CAMKMT: variants seen among roughly 807,000 people sequenced by gnomAD.
The protein encoded by CAMKMT is calmodulin-lysine N-methyltransferase, also known as CaM KMT.
A neutral mutation model predicts 48.0 loss-of-function variants in CAMKMT; 53 were observed. The observed-to-expected ratio is 1.10, with a 90% confidence interval of 0.89 to 1.39. The LOEUF is 1.39. Among genes scored for constraint, CAMKMT ranks in the 40% most tolerant of loss-of-function variants. The pLI, the probability that CAMKMT is intolerant of heterozygous loss-of-function variation, is 0.00. For missense variants in CAMKMT, 428 were observed against 402.7 expected (o/e 1.06, Z -0.54); for synonymous variants, 165 against 152.3 (o/e 1.08, Z -0.61).
intron 3 of CAMKMT, among the ~76,000 whole-genome samples, chr2:44,608,308 G>A (rs1415005689): frequency 6.6e-6 from 1 of 151,942 alleles, no homozygotes; most frequent in African/African-American, 2.4e-5. Context: ...TCCTGACCTC[G>A]TGATCAGCCC....
intron 3 of CAMKMT, among the ~76,000 whole-genome samples, chr2:44,502,248 A>G (rs1670044228): frequency 6.6e-6 from 1 of 151,526 alleles, no homozygotes; most frequent in Non-Finnish European, 1.5e-5. Flanking sequence ...CCGAATAAAT[A>G]TACATTTATC....
rs777511487 is a variant in CAMKMT at position 44,394,804 on chromosome 2, G to C, written c.376+4499G>C. The C allele has an allele frequency of 6.6e-6, 3 of 452,844 alleles. No homozygotes were observed. In the Admixed American group the frequency reaches 7.1e-5, roughly 11 times the overall value. 28.1% of individuals were successfully genotyped at this position (452,844 alleles called of 1,614,324 possible). ...GATAGCAGAATCTGTTTGTCTGTTT[G>C]TGATGTATCTAAAACTGATCTCTTT... On this transcript the variant is annotated intron_variant, in intron 3 of 10. Coordinates refer to ENST00000378494, the MANE Select transcript of CAMKMT (RefSeq NM_024766.5).
chr2:44,364,397 G>T lies in CAMKMT; in HGVS notation c.138+2252G>T, dbSNP rs1572627980. Among the ~76,000 whole-genome samples, 3 of 152,130 alleles carry T rather than the reference G, an allele frequency of 2.0e-5. No homozygotes were observed. In the South Asian group the frequency reaches 6.2e-4, roughly 32 times the overall value. On this transcript the variant is annotated intron_variant, in intron 1 of 10. Coordinates refer to ENST00000378494, the MANE Select transcript of CAMKMT (RefSeq NM_024766.5). ...TGTGAAGCCACCCCTAATGCCTCTGGGCTAAGTTAGACCCTCAGCCAACTC... is the reference window on the plus strand; with the variant it reads ...TGTGAAGCCACCCCTAATGCCTCTGTGCTAAGTTAGACCCTCAGCCAACTC...
At chr2:44,605,044 T>C (rs558789808) in intron 3 of CAMKMT, among the ~76,000 whole-genome samples, 127 of 152,308 alleles carry the variant, frequency 8.3e-4, no homozygotes, top group African/African-American at 2.9e-3. Context: ...GGCCCTCATA[T>C]ACTTTTTCTC....
At chr2:44,573,157 G>C (rs1270809721) in intron 3 of CAMKMT, among the ~76,000 whole-genome samples, 2 of 151,204 alleles carry the variant, frequency 1.3e-5, no homozygotes, top group Non-Finnish European at 2.9e-5. Flanking sequence ...ATTACTGTTA[G>C]TAATAGTAAT....
intron 9 of CAMKMT, among the ~76,000 whole-genome samples, chr2:44,764,807 T>C (rs1379692086): frequency 1.3e-5 from 2 of 152,160 alleles, no homozygotes; most frequent in Non-Finnish European, 2.9e-5. Context: ...GTAGCTATCA[T>C]TATCATTGTC....
chr2:44,506,111 C>G (rs1670248809), intron 3 of CAMKMT, among the ~76,000 whole-genome samples: 1 of 152,068 alleles, frequency 6.6e-6, no homozygotes, highest in Non-Finnish European at 1.5e-5. Flanking sequence ...TCCACCGTGG[C>G]CTCCCAAAGT....
intron 3 of CAMKMT, among the ~76,000 whole-genome samples, chr2:44,691,714 A>G (rs966731101): frequency 6.6e-6 from 1 of 152,122 alleles, no homozygotes; most frequent in Non-Finnish European, 1.5e-5. Context: ...CTATAATCAG[A>G]TTGCCTGGGC....
At chr2:44,526,562 G>A (rs1009389325) in intron 3 of CAMKMT, among the ~76,000 whole-genome samples, 3 of 152,160 alleles carry the variant, frequency 2.0e-5, no homozygotes, top group Non-Finnish European at 2.9e-5. Flanking sequence ...GTCTGAGTCC[G>A]AAGGTCCAAG....
At chr2:44,701,743 A>C (rs1677271518) in intron 3 of CAMKMT, among the ~76,000 whole-genome samples, 1 of 152,344 alleles carries the variant, frequency 6.6e-6, no homozygotes, top group Middle Eastern at 3.4e-3. Flanking sequence ...TCTGATTCAC[A>C]CATAGAATGT....
At chr2:44,691,533 G>A (rs1676654409) in intron 3 of CAMKMT, among the ~76,000 whole-genome samples, 2 of 152,292 alleles carry the variant, frequency 1.3e-5, no homozygotes, top group Middle Eastern at 3.4e-3. Flanking sequence ...AGTCCTAGAA[G>A]AATTTATTGT....
chr2:44,458,098 G>C (rs1667666361), intron 3 of CAMKMT, among the ~76,000 whole-genome samples: 1 of 140,482 alleles, frequency 7.1e-6, no homozygotes, highest in Non-Finnish European at 1.5e-5. Context: ...TCAGGCTTGA[G>C]TGCAGTGGTG....
chr2:44,615,949 A>G lies in CAMKMT; in HGVS notation c.377-88334A>G, dbSNP rs76638088. Among the ~76,000 whole-genome samples, 792 of 152,258 alleles carry G rather than the reference A, an allele frequency of 5.2e-3. 49 individuals are homozygous for G. In the East Asian group the frequency reaches 0.13, roughly 24 times the overall value. Reference sequence around the variant, plus strand: ...TGTTTTCAGCAAATGCTGAAAACTGAATTACAGCCTATTCTCTGTCCCTTG... The same window carrying G: ...TGTTTTCAGCAAATGCTGAAAACTGGATTACAGCCTATTCTCTGTCCCTTG... On this transcript the variant is annotated intron_variant, in intron 3 of 10. Coordinates refer to ENST00000378494, the MANE Select transcript of CAMKMT (RefSeq NM_024766.5).
intron 7 of CAMKMT, among the ~76,000 whole-genome samples, chr2:44,736,031 A>G (rs1005209099): frequency 1.3e-5 from 2 of 152,210 alleles, no homozygotes; most frequent in East Asian, 1.9e-4. Context: ...TCACCCCACA[A>G]TACTTGCTTG....
chr2:44,658,331 T>C (rs539805228), intron 3 of CAMKMT, among the ~76,000 whole-genome samples: 50 of 152,340 alleles, frequency 3.3e-4, no homozygotes, highest in African/African-American at 1.1e-3. Flanking sequence ...ATATTACTTA[T>C]GAATTTTATT....
At chr2:44,764,680 T>C (rs1258737019) in intron 9 of CAMKMT, among the ~76,000 whole-genome samples, 1 of 152,190 alleles carries the variant, frequency 6.6e-6, no homozygotes, top group Non-Finnish European at 1.5e-5. Context: ...CTCCTTATAT[T>C]CTTCAAATCC....
At chr2:44,434,008 A>C (rs942758330) in intron 3 of CAMKMT, among the ~76,000 whole-genome samples, 2 of 152,176 alleles carry the variant, frequency 1.3e-5, no homozygotes, top group Non-Finnish European at 2.9e-5. Flanking sequence ...CTGCCTGCCA[A>C]CTAGATGTAT....
intron 3 of CAMKMT, among the ~76,000 whole-genome samples, chr2:44,674,574 C>G (rs781156836): frequency 6.6e-6 from 1 of 152,200 alleles, no homozygotes; most frequent in Non-Finnish European, 1.5e-5. Flanking sequence ...CAGACTGCTG[C>G]GAAGCCCCCA....
chr2:44,527,785 G>GCA (rs1553409529), intron 3 of CAMKMT, among the ~76,000 whole-genome samples: 4 of 84,820 alleles, frequency 4.7e-5, no homozygotes, highest in Admixed American at 1.6e-4. Flanking sequence ...CATGTGTACA[G>GCA]CCCCCCCCCC....
Sources: gnomAD v4.1 joint callset for allele counts (sites outside exome capture counted in the v4.1 genomes callset) on GRCh38, gnomAD v4.1.1 for gene constraint, MANE v1.5 for transcripts, NCBI Gene and HGNC (gene_info 2026-07-23, HGNC 2026-07-21) for gene names.